MAPKAP1: variants seen among roughly 807,000 people sequenced by gnomAD.
MAPKAP1 encodes the protein MAPK associated protein 1.
MAPKAP1 carries 20 observed loss-of-function variants against 65.7 expected under a neutral mutation model. That is an observed-to-expected ratio of 0.30 (90% confidence interval 0.21 to 0.44). The LOEUF (loss-of-function observed/expected upper bound fraction) is 0.44, where lower values mean the gene tolerates loss of function less well. MAPKAP1 is among the 20% of genes least tolerant of loss of function. MAPKAP1 has a pLI of 1.00. For synonymous variants in MAPKAP1, 222 were observed against 244.3 expected (o/e 0.91, Z 0.85); for missense variants, 423 against 648.0 (o/e 0.65, Z 3.77).
chr9:125,692,847 C>T (rs747842722), intron 1 of MAPKAP1, among the ~76,000 whole-genome samples: 3 of 152,142 alleles, frequency 2.0e-5, no homozygotes, highest in Non-Finnish European at 4.4e-5. Context: ...ATCAAATAGA[C>T]ATCAAATTCC....
chr9:125,441,233 G>A (rs751193275), intron 11 of MAPKAP1, among the ~76,000 whole-genome samples: 5 of 152,150 alleles, frequency 3.3e-5, no homozygotes, highest in African/African-American at 4.8e-5. Flanking sequence ...TGAAGAGCCC[G>A]ACAACTCCTC....
chr9:125,530,323 C>T (rs975738645), intron 7 of MAPKAP1, among the ~76,000 whole-genome samples: 3 of 152,164 alleles, frequency 2.0e-5, no homozygotes, highest in Non-Finnish European at 4.4e-5. Context: ...TGGGCACATG[C>T]AACACTCTAA....
In MAPKAP1 at chr9:125,625,271, A is replaced by C. The variant is rs56149038; in HGVS notation, c.498+32380T>G. 2.7e-5 allele frequency among the ~76,000 whole-genome samples: 4 copies of C among 147,384 alleles called. No individual in the cohort carries two copies. The South Asian group carries it at 6.4e-4, about 24-fold the overall frequency. On this transcript the variant is annotated intron_variant, in intron 4 of 11. Coordinates refer to ENST00000265960, the MANE Select transcript of MAPKAP1 (RefSeq NM_001006617.3). ...ATAAATAAATAAAAAAAAAAAAAAA[A>C]AAAAAAAAACAAGGGAGAGAATTTA...
chr9:125,496,930 AGGGGACTCAGACT>A (rs1323394573), intron 8 of MAPKAP1, among the ~76,000 whole-genome samples: 1 of 152,054 alleles, frequency 6.6e-6, no homozygotes, highest in Non-Finnish European at 1.5e-5. Context: ...CAGGATGCAG[AGGGGACTCAGACT>A]GGGTTCCTCT....
intron 4 of MAPKAP1, chr9:125,652,177 C>T (rs775161501): frequency 3.0e-5 from 39 of 1,317,378 alleles, no homozygotes; most frequent in Non-Finnish European, 3.7e-5. Context: ...TTTTAAGTGA[C>T]TTTCTTTGAA....
At chr9:125,504,112 T>C (rs1395235082) in intron 8 of MAPKAP1, among the ~76,000 whole-genome samples, 1 of 152,146 alleles carries the variant, frequency 6.6e-6, no homozygotes, top group Non-Finnish European at 1.5e-5. Context: ...AGCTATATTA[T>C]ACTGTTATAC....
At chr9:125,488,696 T>C (rs1041251653) in intron 8 of MAPKAP1, among the ~76,000 whole-genome samples, 7 of 151,998 alleles carry the variant, frequency 4.6e-5, no homozygotes, top group African/African-American at 1.5e-4. Flanking sequence ...GTTGGAGGGG[T>C]CATGTCTATT....
intron 10 of MAPKAP1, among the ~76,000 whole-genome samples, chr9:125,462,945 G>A (rs780355436): frequency 8.5e-5 from 13 of 152,108 alleles, no homozygotes; most frequent in East Asian, 3.8e-4. Context: ...TCAAAATGTC[G>A]ACTTCCCTGG....
At chr9:125,544,896 C>A (rs1830376956) in intron 6 of MAPKAP1, among the ~76,000 whole-genome samples, 1 of 152,212 alleles carries the variant, frequency 6.6e-6, no homozygotes, top group African/African-American at 2.4e-5. Context: ...TCCACAGGGG[C>A]TGGGGGCCGA....
intron 7 of MAPKAP1, chr9:125,521,446 C>T (rs2133115910): frequency 8.8e-7 from 1 of 1,142,574 alleles, no homozygotes; most frequent in South Asian, 3.5e-5. Context: ...TTATCTGTTG[C>T]TCTGTAAAGA....
chr9:125,696,977 A>G (rs1221865674), intron 1 of MAPKAP1, among the ~76,000 whole-genome samples: 1 of 152,224 alleles, frequency 6.6e-6, no homozygotes, highest in African/African-American at 2.4e-5. Flanking sequence ...CAGAGATAGG[A>G]GTGGACTCCC....
rs546976967 is a variant in MAPKAP1 at position 125,459,578 on chromosome 9, C to T, written c.1345+8394G>A. 3.8e-3 allele frequency among the ~76,000 whole-genome samples: 575 copies of T among 152,246 alleles called. 5 individuals carry two copies. The highest frequency in any genetic ancestry group is 0.013 in the African/African-American group (548 of 41,542). ...CTGCAATCCCGGCACCTCAGGAGGC[C>T]GAGGCTGGCGGATCACTCGCGGTTA... On this transcript the variant is annotated intron_variant, in intron 10 of 11. Transcript: ENST00000265960.
At chr9:125,511,042 G>T (rs1057208448) in intron 7 of MAPKAP1, among the ~76,000 whole-genome samples, 3 of 151,942 alleles carry the variant, frequency 2.0e-5, no homozygotes, top group Non-Finnish European at 4.4e-5. Context: ...ATAAAACAGG[G>T]GATAATAATA....
At chr9:125,681,587 T>A (rs926512791) in intron 1 of MAPKAP1, among the ~76,000 whole-genome samples, 1 of 152,136 alleles carries the variant, frequency 6.6e-6, no homozygotes, top group Non-Finnish European at 1.5e-5. Flanking sequence ...CAAGATCCAG[T>A]TAAAAAAGAA....
At chr9:125,513,526 G>A (rs1417342141) in intron 7 of MAPKAP1, among the ~76,000 whole-genome samples, 1 of 152,198 alleles carries the variant, frequency 6.6e-6, no homozygotes, top group Non-Finnish European at 1.5e-5. Flanking sequence ...ATGAGAGGGA[G>A]TAACGCTGCC....
chr9:125,699,326 G>A (rs375957783), intron 1 of MAPKAP1, among the ~76,000 whole-genome samples: 3 of 150,760 alleles, frequency 2.0e-5, no homozygotes, highest in South Asian at 2.1e-4. Context: ...CTCCTGCCTC[G>A]GCCTCCCAAG....
rs1175465119 is a variant in MAPKAP1, at chr9:125,540,007, T to C, written c.958+3052A>G. Among the ~76,000 whole-genome samples, 6 of 152,274 alleles carry C rather than the reference T, an allele frequency of 3.9e-5. No homozygotes were observed. The East Asian group carries it at 1.2e-3, about 29-fold the overall frequency. On this transcript the variant is annotated intron_variant, in intron 7 of 11. Transcript: ENST00000265960. ...TGAATATTAATAGAAAAAAAACCCA[T>C]GCAGTGTTCATAGTTTTGAGTTGAT...
chr9:125,511,705 A>G (rs1260388067), intron 7 of MAPKAP1, among the ~76,000 whole-genome samples: 1 of 152,224 alleles, frequency 6.6e-6, no homozygotes, highest in Admixed American at 6.5e-5. Context: ...TGCCAAAGAA[A>G]TGATTATATA....
At chr9:125,508,817 C>A (rs758961149) in intron 7 of MAPKAP1, among the ~76,000 whole-genome samples, 5 of 152,072 alleles carry the variant, frequency 3.3e-5, no homozygotes, top group Non-Finnish European at 7.4e-5. Flanking sequence ...TGCCACTGCA[C>A]TAGAACCTAT....
Sources: gnomAD v4.1 joint callset for allele counts (sites outside exome capture counted in the v4.1 genomes callset) on GRCh38, gnomAD v4.1.1 for gene constraint, MANE v1.5 for transcripts, NCBI Gene and HGNC (gene_info 2026-07-23, HGNC 2026-07-21) for gene names.